FOXN2: variants seen among roughly 807,000 people sequenced by gnomAD.
FOXN2 encodes forkhead box N2.
In FOXN2, 19 loss-of-function variants were observed where a neutral mutation model predicts 41.2. The observed-to-expected ratio is 0.46, with a 90% CI of 0.32 to 0.68. FOXN2 has a LOEUF of 0.68. Ranked by LOEUF, FOXN2 falls within the 30% of genes least tolerant of loss-of-function variation. FOXN2 has a pLI of 0.03. For missense variants in FOXN2, 587 were observed against 509.4 expected, an observed-to-expected ratio of 1.15 and a Z score of -1.47; for synonymous variants, 195 against 176.8, an observed-to-expected ratio of 1.10 and a Z score of -0.82.
chr2:48,343,950 T>A lies in FOXN2; in HGVS notation c.-14-2251T>A, dbSNP rs185493566. Among the ~76,000 whole-genome samples the A allele has an allele frequency of 8.9e-3, 1,348 of 152,260 alleles. 16 individuals carry two copies. Among genetic ancestry groups the A allele is most frequent in the South Asian group, 0.032 (153 of 4,830 alleles). On this transcript the variant is annotated intron_variant, in intron 2 of 6. Transcript: ENST00000340553. Reference sequence around the variant, plus strand: ...TGTTTGGTACTTTCTAATTTCTAGATGTAATGGAAGATAGATGGAGATTTA... The same window carrying A: ...TGTTTGGTACTTTCTAATTTCTAGAAGTAATGGAAGATAGATGGAGATTTA...
chr2:48,363,516 C>T (rs1414141610), intron 5 of FOXN2, among the ~76,000 whole-genome samples: 1 of 152,162 alleles, frequency 6.6e-6, no homozygotes, highest in African/African-American at 2.4e-5. Flanking sequence ...CAGTAATATC[C>T]TAGGCCTCTA....
At chr2:48,373,453 C>T (rs78185897) in intron 6 of FOXN2, 93 bp downstream of exon 6, 1 of 713,162 alleles carries the variant, frequency 1.4e-6, no homozygotes, top group Admixed American at 2.7e-5. Flanking sequence ...AAAATTACTT[C>T]TTTCCAACCA....
intron 6 of FOXN2, among the ~76,000 whole-genome samples, chr2:48,373,690 GCTTT>G (rs769240372): frequency 6.6e-6 from 1 of 152,112 alleles, no homozygotes; most frequent in Non-Finnish European, 1.5e-5. Flanking sequence ...ACTAGGAAAA[GCTTT>G]CTTTAAGATA....
At chr2:48,371,083 A>T (rs967020474) in intron 5 of FOXN2, among the ~76,000 whole-genome samples, 2 of 151,872 alleles carry the variant, frequency 1.3e-5, no homozygotes, top group Non-Finnish European at 2.9e-5. Context: ...TATTCTTGGC[A>T]CCTTTGTCAA....
At chr2:48,320,439 C>T (rs912720282) in intron 1 of FOXN2, among the ~76,000 whole-genome samples, 2 of 151,986 alleles carry the variant, frequency 1.3e-5, no homozygotes, top group Admixed American at 6.6e-5. Context: ...TACAGGCACA[C>T]ACCACCGCGC....
intron 3 of FOXN2, 83 bp from the exon 4 acceptor site, chr2:48,358,964 C>A: frequency 9.9e-7 from 1 of 1,012,182 alleles, no homozygotes; most frequent in Non-Finnish European, 1.5e-6. Context: ...AGATTATTTA[C>A]CCCTGCACAT....
chr2:48,374,150 A>G (rs1259860304), intron 6 of FOXN2, among the ~76,000 whole-genome samples: 2 of 152,092 alleles, frequency 1.3e-5, no homozygotes, highest in African/African-American at 4.8e-5. Flanking sequence ...TTTTCCATAT[A>G]TAACAAAGGA....
At chr2:48,362,823 G>T in intron 5 of FOXN2, 116 bp downstream of exon 5, 1 of 815,828 alleles carries the variant, frequency 1.2e-6, no homozygotes, top group South Asian at 1.5e-5. Flanking sequence ...AATTTCTATT[G>T]CCTGGTGCCC....
intron 5 of FOXN2, among the ~76,000 whole-genome samples, chr2:48,369,654 G>T (rs1303317643): frequency 2.0e-5 from 3 of 152,076 alleles, no homozygotes; most frequent in African/African-American, 7.2e-5. Flanking sequence ...GCATTTTCTT[G>T]TTAGATTATT....
chr2:48,374,262 G>A (rs368782713), intron 6 of FOXN2, among the ~76,000 whole-genome samples: 2 of 152,220 alleles, frequency 1.3e-5, no homozygotes, highest in East Asian at 1.9e-4. Context: ...GATCTTAGAA[G>A]AGGAAATATA....
chr2:48,367,062 T>A (rs957170341), intron 5 of FOXN2, among the ~76,000 whole-genome samples: 27 of 152,208 alleles, frequency 1.8e-4, no homozygotes, highest in Non-Finnish European at 7.3e-5. Flanking sequence ...GAAACTGTTA[T>A]CAGCCTAAAC....
chr2:48,316,126 A>G (rs895629991), intron 1 of FOXN2, among the ~76,000 whole-genome samples: 4 of 150,592 alleles, frequency 2.7e-5, no homozygotes, highest in African/African-American at 9.8e-5. Flanking sequence ...TCGCATGTAC[A>G]TTTATCTTGG....
chr2:48,321,421 A>G (rs1270797906), intron 1 of FOXN2, among the ~76,000 whole-genome samples: 2 of 152,166 alleles, frequency 1.3e-5, no homozygotes, highest in Non-Finnish European at 2.9e-5. Flanking sequence ...CTGTAGTCCC[A>G]GCTACTCGGG....
intron 2 of FOXN2, among the ~76,000 whole-genome samples, chr2:48,335,178 C>G (rs1670254029): frequency 6.6e-6 from 1 of 152,080 alleles, no homozygotes; most frequent in South Asian, 2.1e-4. Context: ...TTGGAATTAT[C>G]AGATGTAAAA....
chr2:48,327,848 AC>A (rs1669781289), intron 1 of FOXN2, among the ~76,000 whole-genome samples: 1 of 152,220 alleles, frequency 6.6e-6, no homozygotes, highest in Non-Finnish European at 1.5e-5. Context: ...TTTAAAATCA[AC>A]TTAATTCTGT....
chr2:48,373,597 G>C (rs1399800847), intron 6 of FOXN2, among the ~76,000 whole-genome samples: 4 of 151,538 alleles, frequency 2.6e-5, no homozygotes, highest in Admixed American at 1.3e-4. Flanking sequence ...AATATATTTA[G>C]AAAATGAACT....
chr2:48,358,989 T>C, intron 3 of FOXN2, 58 bp from the exon 4 acceptor site: 1 of 1,307,612 alleles, frequency 7.6e-7, no homozygotes, highest in Non-Finnish European at 1.1e-6. Flanking sequence ...TTAAAACATT[T>C]AGACGCTGAC....
intron 1 of FOXN2, among the ~76,000 whole-genome samples, chr2:48,319,015 A>G (rs962056926): frequency 1.3e-5 from 2 of 152,234 alleles, no homozygotes; most frequent in African/African-American, 2.4e-5. Context: ...GAGTAGATAC[A>G]TTACTGTTAA....
At position 48,344,729 on chromosome 2, in the gene FOXN2, A is replaced by C. The variant is rs148163042; in HGVS notation, c.-14-1472A>C. On this transcript the variant is annotated intron_variant, in intron 2 of 6. Coordinates refer to ENST00000340553, the MANE Select transcript of FOXN2 (RefSeq NM_002158.4). ...AACTGTTCTACATCTAAAATTAACT[A>C]GTTTTCTCTTTTACATAACTGACAT... 3.1e-3 allele frequency among the ~76,000 whole-genome samples: 469 copies of C among 152,168 alleles called. 4 individuals are homozygous for C. The highest frequency in any genetic ancestry group is 0.011 in the African/African-American group (443 of 41,518).
Sources: allele counts gnomAD v4.1 joint callset (sites outside exome capture counted in the v4.1 genomes callset), GRCh38; gene constraint gnomAD v4.1.1; transcripts MANE v1.5; gene names NCBI Gene and HGNC (gene_info 2026-07-23, HGNC 2026-07-21).